The following PDS5A variants were observed in gnomAD, a reference collection of about 807,000 sequenced individuals.
The protein encoded by PDS5A is PDS5 cohesin associated factor A, also known as sister chromatid cohesion protein PDS5 homolog A.
Under a neutral mutation model 167.1 loss-of-function variants are expected in PDS5A, and 42 were observed. The observed-to-expected ratio is 0.25, with a 90% CI of 0.20 to 0.33. The LOEUF (loss-of-function observed/expected upper bound fraction) is 0.33. PDS5A is among the 10% of genes least tolerant of loss of function. The probability of loss-of-function intolerance (pLI) is 1.00; values close to 1 mark genes in which losing one functional copy is unlikely to be tolerated. For synonymous variants in PDS5A, 553 were observed against 554.6 expected (o/e 1.00, Z 0.04); for missense variants, 1,033 against 1,605.9 (o/e 0.64, Z 6.10).
In PDS5A at chr4:39,925,865, C is replaced by G. The variant is rs774995760; in HGVS notation, c.498G>C (p.Gln166His). ...TCACTGAGAAGAGAGTTCTAAAAAG[C>G]TGAATAAAAATTTCATTGCAATCTT... ...ELEDCNEIFI[Q>H]LFRTLFSVIN... Residue 166 changes from glutamine to histidine, a missense_variant, in exon 5 of 33, where the codon CAG (glutamine) becomes CAC (histidine). Transcript: ENST00000303538. 6 of 1,500,316 alleles carry G rather than the reference C, an allele frequency of 4.0e-6. No individual in the cohort carries two copies. Among genetic ancestry groups the G allele is most frequent in the East Asian group, 2.3e-5 (1 of 43,052 alleles). 92.9% of individuals were successfully genotyped at this position (1,500,316 alleles called of 1,614,324 possible).
At chr4:39,940,655 T>C (rs1195470316) in intron 2 of PDS5A, among the ~76,000 whole-genome samples, 1 of 152,142 alleles carries the variant, frequency 6.6e-6, no homozygotes, top group Non-Finnish European at 1.5e-5. Flanking sequence ...GAAACAGACC[T>C]ACAGATTTTT....
At chr4:39,842,909 T>TTTTATATATATATATATATA (rs751901010) in intron 30 of PDS5A, among the ~76,000 whole-genome samples, 8 of 92,312 alleles carry the variant, frequency 8.7e-5, no homozygotes, top group South Asian at 4.1e-4. Context: ...TATCCTATTT[T>TTTTATATATATATATATATA]TATATATATA....
At chr4:39,922,591 T>G in intron 6 of PDS5A, 31 bp downstream of exon 6, 1 of 1,499,896 alleles carries the variant, frequency 6.7e-7, no homozygotes, top group Non-Finnish European at 8.9e-7. Context: ...CTGTTAAACA[T>G]TAACCTTGAA....
intron 2 of PDS5A, among the ~76,000 whole-genome samples, chr4:39,968,837 G>A (rs555327556): frequency 2.3e-4 from 35 of 150,778 alleles, no homozygotes; most frequent in African/African-American, 8.5e-4. Context: ...GTGCAGTGGC[G>A]TGATCTCGGC....
At position 39,922,726 on chromosome 4, in the gene PDS5A, G is replaced by C. The variant is rs1240184119; in HGVS notation, c.550C>G (p.Gln184Glu). 2 of 1,524,708 alleles carry C rather than the reference G, an allele frequency of 1.3e-6. No homozygotes were observed. The highest frequency in any genetic ancestry group is 1.8e-6 in the Non-Finnish European group (2 of 1,137,544). 94.4% of individuals were successfully genotyped at this position (1,524,708 alleles called of 1,614,324 possible). The change falls in exon 6 of 33, where the codon CAA (glutamine) becomes GAA (glutamate). Residue 184 changes from glutamine to glutamate, a missense_variant. Physicochemically the swap from Gln to Glu is conservative, Grantham distance 29 (BLOSUM62 2). Coordinates refer to ENST00000303538, the MANE Select transcript of PDS5A (RefSeq NM_001100399.2). ...CTCATCAAATCTAGCATGTGCATTT[G>C]TACCTTCTTATTGTGGCTATTGCTA... Reference protein sequence around the residue: ...VINNSHNKKVQMHMLDLMSSI... With the variant: ...VINNSHNKKVEMHMLDLMSSI...
At chr4:39,975,730 A>C (rs142284387) in intron 2 of PDS5A, among the ~76,000 whole-genome samples, 22 of 152,288 alleles carry the variant, frequency 1.4e-4, no homozygotes, top group Non-Finnish European at 2.6e-4. Flanking sequence ...CTGACTCAGA[A>C]CCACTGCTTC....
At position 39,950,476 on chromosome 4, in the gene PDS5A, C is replaced by T. The variant is rs192257668; in HGVS notation, c.139-22312G>A. 2.4e-3 allele frequency among the ~76,000 whole-genome samples: 371 copies of T among 152,054 alleles called. 6 individuals are homozygous for T. The highest frequency in any genetic ancestry group is 6.8e-3 in the Middle Eastern group (2 of 294). ...TAAGATGGCCAGGCACAGTGGCTCC[C>T]GCCTGTAATCTCAACACTTTGGAGG... On this transcript the variant is annotated intron_variant, in intron 2 of 32. Transcript: ENST00000303538.
At chr4:39,871,684 G>T (rs1372590505) in intron 21 of PDS5A, among the ~76,000 whole-genome samples, 2 of 152,066 alleles carry the variant, frequency 1.3e-5, no homozygotes, top group Non-Finnish European at 2.9e-5. Flanking sequence ...GATCCATTTG[G>T]TAAAGCAGTG....
chr4:39,894,500 T>C (rs1297715266), intron 16 of PDS5A, among the ~76,000 whole-genome samples: 1 of 152,186 alleles, frequency 6.6e-6, no homozygotes, highest in Admixed American at 6.5e-5. Flanking sequence ...TCCACATTCA[T>C]AGCCCTGAGA....
intron 2 of PDS5A, among the ~76,000 whole-genome samples, chr4:39,929,714 C>A (rs533432309): frequency 6.7e-6 from 1 of 149,598 alleles, no homozygotes; most frequent in East Asian, 1.9e-4. Context: ...TTTTATTCTG[C>A]CAAGATTTTT....
At chr4:39,833,191 C>CAAA (rs1166233113) in intron 32 of PDS5A, among the ~76,000 whole-genome samples, 9,772 of 37,826 alleles carry the variant, frequency 0.26, 2,332 homozygotes, top group Admixed American at 0.3. Flanking sequence ...AACTCCGTCT[C>CAAA]AAAAAAAAAA....
At chr4:39,939,262 G>A (rs993018929) in intron 2 of PDS5A, among the ~76,000 whole-genome samples, 1 of 152,046 alleles carries the variant, frequency 6.6e-6, no homozygotes, top group Non-Finnish European at 1.5e-5. Flanking sequence ...AAGTGTTGGA[G>A]ACCAACCTGG....
At chr4:39,976,823 T>C (rs527780409) in intron 1 of PDS5A, among the ~76,000 whole-genome samples, 2 of 151,970 alleles carry the variant, frequency 1.3e-5, no homozygotes, top group East Asian at 3.9e-4. Flanking sequence ...ACGGGGCTCC[T>C]CCGCACCAGC....
At position 39,951,898 on chromosome 4, in the gene PDS5A, C is replaced by CAAAAAAAAAAAAA. The variant is rs1161911794; in HGVS notation, c.139-23747_139-23735dup. Among the ~76,000 whole-genome samples the CAAAAAAAAAAAAA allele has an allele frequency of 6.5e-4, 45 of 68,788 alleles. 1 individual carries two copies. Among genetic ancestry groups the CAAAAAAAAAAAAA allele is most frequent in the East Asian group, 5.1e-3 (10 of 1,944 alleles). 45.1% of individuals were successfully genotyped at this position (68,788 alleles called of 152,430 possible). A position where few individuals can be genotyped will look rare whatever the true frequency, so the allele number is the denominator to read the frequency against. ...CTGGGTGACAGAGCAGAGTCTGTCT[C>CAAAAAAAAAAAAA]AAAAAAAAAAAAAAAAAAAAAATCT... On this transcript the variant is annotated intron_variant, in intron 2 of 32. Transcript: ENST00000303538.
At chr4:39,948,985 C>T (rs1038714180) in intron 2 of PDS5A, among the ~76,000 whole-genome samples, 5 of 151,934 alleles carry the variant, frequency 3.3e-5, no homozygotes, top group African/African-American at 1.2e-4. Context: ...CTATACACTA[C>T]AGTATTATCT....
chr4:39,940,762 C>T (rs1355201692), intron 2 of PDS5A, among the ~76,000 whole-genome samples: 1 of 152,234 alleles, frequency 6.6e-6, no homozygotes, highest in Non-Finnish European at 1.5e-5. Context: ...AAATGATCCT[C>T]CCACTTCAGC....
chr4:39,843,302 G>A (rs1209305795), intron 30 of PDS5A, among the ~76,000 whole-genome samples: 2 of 151,976 alleles, frequency 1.3e-5, no homozygotes, highest in East Asian at 1.9e-4. Flanking sequence ...CTACTAAAGC[G>A]CTGGGATCAC....
At chr4:39,976,652 G>A (rs960343000) in intron 1 of PDS5A, 35 bp from the exon 2 acceptor site, 3 of 1,132,230 alleles carry the variant, frequency 2.6e-6, no homozygotes, top group South Asian at 3.0e-5. Flanking sequence ...AGCGGGAAAG[G>A]GGCGACTTTG....
At chr4:39,964,544 C>A (rs925945820) in intron 2 of PDS5A, among the ~76,000 whole-genome samples, 1 of 152,120 alleles carries the variant, frequency 6.6e-6, no homozygotes, top group Non-Finnish European at 1.5e-5. Flanking sequence ...AAAACTACAA[C>A]AAATTTAAAA....
Sources: allele counts gnomAD v4.1 joint callset (sites outside exome capture counted in the v4.1 genomes callset), GRCh38; gene constraint gnomAD v4.1.1; transcripts MANE v1.5; gene names NCBI Gene and HGNC (gene_info 2026-07-23, HGNC 2026-07-21).